Variants in ITPR1 observed in about 807,000 individuals in gnomAD.
The protein encoded by ITPR1 is inositol 1,4,5-trisphosphate receptor type 1.
A neutral mutation model predicts 318.4 loss-of-function variants in ITPR1; 96 were observed. The observed-to-expected ratio is 0.30, with a 90% confidence interval of 0.26 to 0.36. The LOEUF is 0.36. Among genes scored for constraint, ITPR1 ranks in the 10% least tolerant of loss-of-function variants. The pLI is 1.00. For synonymous variants in ITPR1, 1,312 were observed against 1,289.9 expected (o/e 1.02, Z -0.37); for missense variants, 2,440 against 3,460.2 (o/e 0.71, Z 7.40).
chr3:4,787,761 A>G lies in ITPR1; in HGVS notation c.6616-186A>G, dbSNP rs1216712589. ...AGTTAATGGATCTGAAGTTAGGAAA[A>G]TACTCTTCCAGAGTTACCCAAGCTA... On this transcript the variant is annotated intron_variant, in intron 51 of 61. Coordinates refer to ENST00000649015, the MANE Select transcript of ITPR1 (RefSeq NM_001378452.1). 2.0e-5 allele frequency among the ~76,000 whole-genome samples: 3 copies of G among 152,132 alleles called. No homozygotes were observed. The East Asian group carries it at 5.8e-4, about 29-fold the overall frequency.
At chr3:4,742,276 A>C (rs1036720598) in intron 44 of ITPR1, among the ~76,000 whole-genome samples, 1 of 152,208 alleles carries the variant, frequency 6.6e-6, no homozygotes, top group Non-Finnish European at 1.5e-5. Context: ...CAGTTTCCTC[A>C]TCTGCAAAAT....
At chr3:4,606,623 C>T (rs1001932009) in intron 4 of ITPR1, among the ~76,000 whole-genome samples, 8 of 152,152 alleles carry the variant, frequency 5.3e-5, no homozygotes, top group Non-Finnish European at 1.0e-4. Context: ...GGAAAAGGAG[C>T]AGGTAGCGGA....
intron 44 of ITPR1, among the ~76,000 whole-genome samples, chr3:4,741,699 G>A (rs1023524091): frequency 2.0e-5 from 3 of 152,178 alleles, no homozygotes; most frequent in East Asian, 1.9e-4. Context: ...AGATGAGGGC[G>A]GAAAGGGCAA....
intron 46 of ITPR1, 136 bp from the exon 47 acceptor site, chr3:4,775,106 C>T (rs1256794456): frequency 7.0e-6 from 5 of 714,514 alleles, no homozygotes; most frequent in South Asian, 4.8e-5. Flanking sequence ...GGCATACTGA[C>T]TCTTCCATGC....
chr3:4,551,214 G>A (rs1400330844), intron 4 of ITPR1, among the ~76,000 whole-genome samples: 4 of 152,106 alleles, frequency 2.6e-5, no homozygotes, highest in African/African-American at 9.7e-5. Flanking sequence ...TTCTTGTCTT[G>A]GTCTGCTTGT....
chr3:4,743,443 C>G (rs571206844), intron 44 of ITPR1, among the ~76,000 whole-genome samples: 1 of 152,358 alleles, frequency 6.6e-6, no homozygotes, highest in East Asian at 1.9e-4. Flanking sequence ...TGACGGCAGA[C>G]AGTAGGTAAT....
chr3:4,603,560 G>A (rs893847702), intron 4 of ITPR1, among the ~76,000 whole-genome samples: 3 of 152,138 alleles, frequency 2.0e-5, no homozygotes, highest in Non-Finnish European at 2.9e-5. Flanking sequence ...CTCCTGAGTA[G>A]CTGGGACTAC....
chr3:4,547,488 C>T (rs1312185192), intron 4 of ITPR1, among the ~76,000 whole-genome samples: 3 of 152,096 alleles, frequency 2.0e-5, no homozygotes, highest in African/African-American at 7.2e-5. Context: ...TAATTGTATC[C>T]AGGCCTCTAT....
intron 4 of ITPR1, among the ~76,000 whole-genome samples, chr3:4,615,299 TG>T (rs1397459143): frequency 2.0e-5 from 3 of 151,958 alleles, no homozygotes; most frequent in African/African-American, 7.2e-5. Flanking sequence ...TTCGGGCTAC[TG>T]GTTGGAAGGA....
chr3:4,509,770 C>A (rs774965034), intron 2 of ITPR1, among the ~76,000 whole-genome samples: 8 of 152,184 alleles, frequency 5.3e-5, no homozygotes, highest in Non-Finnish European at 1.0e-4. Context: ...ACCTTCCAGC[C>A]TGGGTGACAG....
chr3:4,616,729 G>T (rs935746005), intron 4 of ITPR1, among the ~76,000 whole-genome samples: 1 of 152,150 alleles, frequency 6.6e-6, no homozygotes, highest in Non-Finnish European at 1.5e-5. Flanking sequence ...AGTGTTGCCT[G>T]GGGTGTGGGG....
intron 4 of ITPR1, among the ~76,000 whole-genome samples, chr3:4,600,986 C>T (rs2091228070): frequency 6.6e-6 from 1 of 152,014 alleles, no homozygotes; most frequent in Non-Finnish European, 1.5e-5. Flanking sequence ...TAATTCTTTT[C>T]AGAAAGTAAA....
At chr3:4,731,765 C>T (rs760466737) in intron 42 of ITPR1, among the ~76,000 whole-genome samples, 2 of 152,180 alleles carry the variant, frequency 1.3e-5, no homozygotes, top group Non-Finnish European at 2.9e-5. Context: ...GGGTGCCTCA[C>T]GTTTCCCAGG....
intron 20 of ITPR1, among the ~76,000 whole-genome samples, chr3:4,672,179 G>T (rs1040537242): frequency 6.6e-6 from 1 of 152,172 alleles, no homozygotes; most frequent in African/African-American, 2.4e-5. Flanking sequence ...TCCACACTGG[G>T]AGGTGGGCTT....
At chr3:4,827,037 G>A (rs2106522032) in intron 60 of ITPR1, among the ~76,000 whole-genome samples, 1 of 152,272 alleles carries the variant, frequency 6.6e-6, no homozygotes, top group South Asian at 2.1e-4. Context: ...CTCCCCATTG[G>A]CTACTTCGTC....
At chr3:4,594,744 T>G (rs527910942) in intron 4 of ITPR1, among the ~76,000 whole-genome samples, 1 of 151,698 alleles carries the variant, frequency 6.6e-6, no homozygotes, top group South Asian at 2.1e-4. Context: ...CATGGATATC[T>G]GCAAGTGAGA....
intron 43 of ITPR1, among the ~76,000 whole-genome samples, chr3:4,733,909 C>G (rs1025533411): frequency 2.6e-4 from 39 of 152,184 alleles, no homozygotes; most frequent in Non-Finnish European, 3.2e-4. Context: ...TGGGTCTTAC[C>G]TAGTTTGTGT....
chr3:4,814,642 T>C, intron 58 of ITPR1, 80 bp downstream of exon 58: 1 of 1,307,778 alleles, frequency 7.6e-7, no homozygotes, highest in East Asian at 2.4e-5. Context: ...CGGTGTTGAG[T>C]GTAAACTGAA....
intron 41 of ITPR1, 54 bp from the exon 42 acceptor site, chr3:4,727,072 A>T (rs373579234): frequency 3.7e-6 from 5 of 1,341,542 alleles, no homozygotes; most frequent in Non-Finnish European, 5.3e-6. Context: ...GATGCTGCAG[A>T]TGGTAGTGTC....
Sources: gnomAD v4.1 joint callset for allele counts (sites outside exome capture counted in the v4.1 genomes callset) on GRCh38, gnomAD v4.1.1 for gene constraint, MANE v1.5 for transcripts, NCBI Gene and HGNC (gene_info 2026-07-23, HGNC 2026-07-21) for gene names.